Variants in PRDM2 observed in about 807,000 individuals in gnomAD.
The protein encoded by PRDM2 is PR domain zinc finger protein 2.
In PRDM2, 30 loss-of-function variants were observed where a neutral mutation model predicts 130.0. The observed-to-expected ratio is 0.23, with a 90% confidence interval of 0.17 to 0.31. The LOEUF (loss-of-function observed/expected upper bound fraction) is 0.31. Ranked by LOEUF, PRDM2 falls within the 10% of genes least tolerant of loss-of-function variation. PRDM2 has a pLI of 1.00. For missense variants in PRDM2, 2,011 were observed against 2,108.4 expected, an observed-to-expected ratio of 0.95 and a Z score of 0.90; for synonymous variants, 871 against 782.4, an observed-to-expected ratio of 1.11 and a Z score of -1.89.
chr1:13,706,268 C>T (rs59997655), intron 1 of PRDM2, among the ~76,000 whole-genome samples: 1,864 of 152,234 alleles, frequency 0.012, 41 homozygotes, highest in African/African-American at 0.042. Context: ...CTGACTTGCC[C>T]AGCCCCAGTC....
rs761200512 is a variant in PRDM2, at chr1:13,803,601, C to G, written c.5037-12826C>G. 1.3e-5 allele frequency among the ~76,000 whole-genome samples: 2 copies of G among 152,154 alleles called. No homozygotes were observed. The highest frequency in any genetic ancestry group is 2.9e-5 in the Non-Finnish European group (2 of 68,020). ...GAGCGAGTGCCTTGCTCGCTCTCCT[C>G]GGTTTCCTCGTCTGTAAGGGAAGGG... On this transcript the variant is annotated intron_variant, in intron 8 of 9. Coordinates refer to ENST00000311066, the MANE Select transcript of PRDM2 (RefSeq NM_001393986.1). The surrounding 1 kb of genome is among the most constrained non-coding windows in gnomAD (Gnocchi z 6.2).
At chr1:13,747,194 A>C (rs917551281) in intron 5 of PRDM2, among the ~76,000 whole-genome samples, 1 of 152,190 alleles carries the variant, frequency 6.6e-6, no homozygotes, top group African/African-American at 2.4e-5. Flanking sequence ...CAGTGGGGGA[A>C]TATATGGGGA....
intron 6 of PRDM2, among the ~76,000 whole-genome samples, chr1:13,763,401 G>T (rs1644149454): frequency 6.6e-6 from 1 of 152,100 alleles, no homozygotes; most frequent in Non-Finnish European, 1.5e-5. Context: ...AAGCATTTTT[G>T]GCTATTTAAT....
In PRDM2 at chr1:13,781,965, G is replaced by A. The variant is rs2100673514; in HGVS notation, c.4170G>A (p.Gly1390=). 6.2e-7 allele frequency: 1 copy of A among 1,614,152 alleles called. No homozygotes were observed. Among genetic ancestry groups the A allele is most frequent in the East Asian group, 2.2e-5 (1 of 44,878 alleles). ...GCGTGGTGGTTTTAGATAACTCTGG[G>A]AAAAATGCCTTCCGACGAATGGGAC... ...KNGVVVLDNS[G]KNAFRRMGQP... The change falls in exon 8 of 10, where the codon GGG becomes GGA. Residue 1390 remains glycine (G), a synonymous_variant. Transcript: ENST00000311066. This position sits in a 1 kb window ranked among gnomAD's most constrained non-coding sequence, Gnocchi z 6.1.
chr1:13,778,166 C>T (rs904535965), intron 7 of PRDM2, among the ~76,000 whole-genome samples: 6 of 152,186 alleles, frequency 3.9e-5, no homozygotes, highest in Admixed American at 6.5e-5. Context: ...CTGTTGCGCT[C>T]GTGTGTGTCC....
intron 6 of PRDM2, among the ~76,000 whole-genome samples, chr1:13,764,390 A>G (rs562580632): frequency 6.6e-6 from 1 of 152,238 alleles, no homozygotes; most frequent in East Asian, 1.9e-4. Flanking sequence ...GAAGTAGAAC[A>G]GGTCAGCATC....
rs543417634 is a variant in PRDM2, at chr1:13,789,976, G to C, written c.5036+7145G>C. 3.9e-5 allele frequency among the ~76,000 whole-genome samples: 6 copies of C among 152,340 alleles called. No homozygotes were observed. The East Asian group carries it at 1.2e-3, about 29-fold the overall frequency. On this transcript the variant is annotated intron_variant, in intron 8 of 9. Transcript: ENST00000311066. Reference sequence around the variant, plus strand: ...GGTTCTGGTGAAGCACTGCTGTTGAGCGTATGTTCGAGGGCCTTGCAGGTG... The same window carrying C: ...GGTTCTGGTGAAGCACTGCTGTTGACCGTATGTTCGAGGGCCTTGCAGGTG...
At chr1:13,766,942 A>G (rs1418956013) in intron 6 of PRDM2, among the ~76,000 whole-genome samples, 1 of 152,206 alleles carries the variant, frequency 6.6e-6, no homozygotes, top group African/African-American at 2.4e-5. Context: ...TATTCTCTAG[A>G]ATTTCCTACT....
intron 6 of PRDM2, among the ~76,000 whole-genome samples, chr1:13,765,529 G>C (rs1046312531): frequency 6.6e-6 from 1 of 152,006 alleles, no homozygotes; most frequent in African/African-American, 2.4e-5. Flanking sequence ...GCAGTGGCGG[G>C]ATCTAGGCTC....
intron 6 of PRDM2, among the ~76,000 whole-genome samples, chr1:13,767,205 G>A (rs1178474414): frequency 1.3e-5 from 2 of 151,532 alleles, no homozygotes; most frequent in Non-Finnish European, 2.9e-5. Context: ...GTTCTGTGCT[G>A]TTGACTTGTT....
At chr1:13,763,761 C>G (rs2100595062) in intron 6 of PRDM2, among the ~76,000 whole-genome samples, 1 of 152,124 alleles carries the variant, frequency 6.6e-6, no homozygotes, top group South Asian at 2.1e-4. Context: ...GTAATGTAAC[C>G]AAGTGCTCAT....
intron 3 of PRDM2, among the ~76,000 whole-genome samples, chr1:13,731,425 G>A (rs1428883482): frequency 6.6e-6 from 1 of 152,098 alleles, no homozygotes; most frequent in South Asian, 2.1e-4. Flanking sequence ...CCCACAGAAC[G>A]TGTTGTTCCC....
intron 9 of PRDM2, among the ~76,000 whole-genome samples, chr1:13,817,861 A>T (rs11586287): frequency 6.6e-6 from 1 of 152,084 alleles, no homozygotes. Flanking sequence ...TTAGCCGGGC[A>T]TGGTGGTGGG....
rs772797004 is a variant in PRDM2 at position 13,717,377 on chromosome 1, T to C, written c.9+1763T>C. The C allele has an allele frequency of 6.1e-6, 6 of 984,028 alleles. No individual in the cohort carries two copies. In the African/African-American group the frequency reaches 8.7e-5, roughly 14 times the overall value. 61.0% of individuals were successfully genotyped at this position (984,028 alleles called of 1,614,324 possible). ...CCCAAAGGAGCTCGGTTCTCTGCAG[T>C]CTAGGAACTGTTTTGTTGGAGGAGT... On this transcript the variant is annotated intron_variant, in intron 2 of 9. Transcript: ENST00000311066.
intron 9 of PRDM2, among the ~76,000 whole-genome samples, chr1:13,818,752 G>C (rs998085172): frequency 3.9e-5 from 6 of 151,968 alleles, no homozygotes; most frequent in African/African-American, 1.4e-4. Context: ...GGTTTGGGGA[G>C]GGGAGCAAAA....
At chr1:13,819,905 C>A (rs952159608) in intron 9 of PRDM2, among the ~76,000 whole-genome samples, 4 of 152,206 alleles carry the variant, frequency 2.6e-5, no homozygotes, top group Admixed American at 2.6e-4. Flanking sequence ...CCTCCAAATA[C>A]CATCACAGGG....
At chr1:13,787,914 A>T (rs926679756) in intron 8 of PRDM2, 2 of 985,384 alleles carry the variant, frequency 2.0e-6, no homozygotes, top group African/African-American at 1.7e-5. Context: ...TAGATAGACA[A>T]GAGTGGTGTT....
At chr1:13,751,091 A>G (rs543756133) in intron 6 of PRDM2, among the ~76,000 whole-genome samples, 1 of 152,246 alleles carries the variant, frequency 6.6e-6, no homozygotes, top group East Asian at 1.9e-4. Flanking sequence ...TGTTTAGAAC[A>G]TATGTCATTA....
chr1:13,772,717 TG>T (rs1168313827), intron 6 of PRDM2, among the ~76,000 whole-genome samples: 2 of 152,236 alleles, frequency 1.3e-5, no homozygotes, highest in African/African-American at 4.8e-5. Flanking sequence ...CCCTATTAGC[TG>T]TGTGGCATTG....
Sources: gnomAD v4.1 joint callset for allele counts (sites outside exome capture counted in the v4.1 genomes callset) on GRCh38, gnomAD v4.1.1 for gene constraint, Gnocchi (gnomAD v3.1) non-coding constraint, MANE v1.5 for transcripts, NCBI Gene and HGNC (gene_info 2026-07-23, HGNC 2026-07-21) for gene names.